Variants in FAM47E observed in about 807,000 individuals in gnomAD.
FAM47E encodes the protein family with sequence similarity 47 member E.
FAM47E carries 32 observed loss-of-function variants against 41.6 expected under a neutral mutation model. The observed-to-expected ratio is 0.77, with a 90% CI of 0.58 to 1.03. The LOEUF (loss-of-function observed/expected upper bound fraction) is 1.03. FAM47E is among the 50% of genes least tolerant of loss of function. FAM47E has a pLI of 0.00. For missense variants in FAM47E, 424 were observed against 485.4 expected (o/e 0.87, Z 1.19); for synonymous variants, 184 against 188.7 (o/e 0.98, Z 0.20).
chr4:76,236,986 C>T (rs576811984), intron 2 of FAM47E, among the ~76,000 whole-genome samples: 1 of 151,202 alleles, frequency 6.6e-6, no homozygotes, highest in East Asian at 1.9e-4. Context: ...AGCTCCGTCT[C>T]CCAGGTTCAT....
intron 2 of FAM47E, among the ~76,000 whole-genome samples, chr4:76,229,677 G>A (rs1180960212): frequency 6.6e-6 from 1 of 152,198 alleles, no homozygotes; most frequent in African/African-American, 2.4e-5. Flanking sequence ...CCTGATTCCT[G>A]TGATGTGATC....
rs112803100 is a variant in FAM47E, at chr4:76,251,793, T to C, written c.47T>C (p.Val16Ala). 82 of 1,488,896 alleles carry C rather than the reference T, an allele frequency of 5.5e-5. No homozygotes were observed. The East Asian group carries it at 2.3e-3, about 41-fold the overall frequency. The allele number at this position is 1,488,896 out of a possible 1,614,324, so 92.2% of individuals were successfully genotyped here. A position where few individuals can be genotyped will look rare whatever the true frequency, so the allele number is the denominator to read the frequency against. ...RRLRPGTLAP[V>A]REGVNCRSRC... ...CTCCGGCCGGGGACGTTGGCCCCGGTGCGCGAGGGCGTGAACTGCAGGTCC... is the reference window on the plus strand; with the variant it reads ...CTCCGGCCGGGGACGTTGGCCCCGGCGCGCGAGGGCGTGAACTGCAGGTCC... The change falls in exon 1 of 8, where the codon GTG becomes GCG. Residue 16 changes from valine (V) to alanine (A), a missense_variant. Coordinates refer to ENST00000424749, the MANE Select transcript of FAM47E (RefSeq NM_001136570.3).
At chr4:76,218,621 A>C (rs1290535952) in intron 2 of FAM47E, among the ~76,000 whole-genome samples, 1 of 152,156 alleles carries the variant, frequency 6.6e-6, no homozygotes, top group Non-Finnish European at 1.5e-5. Flanking sequence ...GGGTTATGGG[A>C]AAATGAGAAT....
intron 1 of FAM47E, among the ~76,000 whole-genome samples, chr4:76,254,525 T>C (rs1404936735): frequency 6.6e-6 from 1 of 152,130 alleles, no homozygotes; most frequent in Non-Finnish European, 1.5e-5. Flanking sequence ...TCCTTTCATC[T>C]AGATCTTCAC....
exon 1 of FAM47E, chr4:76,214,199 G>A (rs1733153893): frequency 2.2e-6 from 1 of 453,866 alleles, no homozygotes; most frequent in Non-Finnish European, 4.4e-6. Context: ...AGAGGCGCTC[G>A]CAAGTTAGCG....
intron 5 of FAM47E, among the ~76,000 whole-genome samples, 174 bp downstream of exon 5, chr4:76,271,942 T>G (rs189574767): frequency 1.2e-4 from 18 of 152,310 alleles, no homozygotes; most frequent in Admixed American, 1.2e-3. Context: ...TATAACAAAG[T>G]CAGTTATACA....
At position 76,266,967 on chromosome 4, in the gene FAM47E, T is replaced by C. The variant is rs78515367; in HGVS notation, c.561-1693T>C. Among the ~76,000 whole-genome samples the C allele has an allele frequency of 7.1e-3, 1,086 of 152,292 alleles. 11 individuals are homozygous for C. The highest frequency in any genetic ancestry group is 0.024 in the African/African-American group (1,018 of 41,566). ...TTTGGGTCTTTGGTCAAATATTACT[T>C]TAATAGAGACAACTTCTCTGTATAA... On this transcript the variant is annotated intron_variant, in intron 3 of 7. Transcript: ENST00000424749.
At chr4:76,259,947 A>G (rs1167322123) in intron 2 of FAM47E, among the ~76,000 whole-genome samples, 1 of 152,152 alleles carries the variant, frequency 6.6e-6, no homozygotes, top group Admixed American at 6.5e-5. Context: ...CAAATCAAGA[A>G]CTCAATATCA....
chr4:76,277,277 G>T (rs1056146280), intron 5 of FAM47E, among the ~76,000 whole-genome samples: 1 of 152,126 alleles, frequency 6.6e-6, no homozygotes, highest in Admixed American at 6.5e-5. Flanking sequence ...GAGGTCAGGA[G>T]ATCAAGACCA....
intron 2 of FAM47E, among the ~76,000 whole-genome samples, chr4:76,219,267 G>C (rs1733266988): frequency 6.6e-6 from 1 of 152,224 alleles, no homozygotes; most frequent in African/African-American, 2.4e-5. Context: ...GCCTGAACCT[G>C]ATGTTGAACT....
intron 7 of FAM47E, chr4:76,281,599 C>T (rs914149613): frequency 2.6e-5 from 4 of 151,868 alleles, no homozygotes; most frequent in Non-Finnish European, 4.4e-5. Flanking sequence ...TATATAAATC[C>T]TTATTTGCCA....
chr4:76,244,385 A>G (rs919016364), intron 2 of FAM47E, among the ~76,000 whole-genome samples: 4 of 152,064 alleles, frequency 2.6e-5, no homozygotes, highest in Admixed American at 2.6e-4. Flanking sequence ...CTATTTCTCT[A>G]TATCCTCTCC....
intron 2 of FAM47E, among the ~76,000 whole-genome samples, chr4:76,230,835 C>G (rs960651369): frequency 6.6e-6 from 1 of 152,290 alleles, no homozygotes; most frequent in South Asian, 2.1e-4. Flanking sequence ...CCTTGAATTC[C>G]CTAGACCTCA....
intron 7 of FAM47E, chr4:76,282,788 CTTATT>C (rs1735410517): frequency 6.6e-6 from 1 of 152,066 alleles, no homozygotes; most frequent in African/African-American, 2.4e-5. Flanking sequence ...ATCCTATATT[CTTATT>C]TTATCAATAA....
At chr4:76,244,497 G>C (rs950032991) in intron 2 of FAM47E, among the ~76,000 whole-genome samples, 2 of 147,868 alleles carry the variant, frequency 1.4e-5, no homozygotes, top group African/African-American at 5.0e-5. Flanking sequence ...GACCAGTGAT[G>C]AGCATTTTTT....
intron 2 of FAM47E, among the ~76,000 whole-genome samples, chr4:76,235,144 C>T (rs71607345): frequency 1.3e-5 from 2 of 151,916 alleles, no homozygotes; most frequent in East Asian, 1.9e-4. Context: ...GGTGAAAACC[C>T]GTCCCTACTA....
chr4:76,256,430 G>C lies in FAM47E; in HGVS notation c.327G>C (p.Gln109His), dbSNP rs990520181. 1.3e-6 allele frequency: 2 copies of C among 1,552,196 alleles called. No individual in the cohort carries two copies. Among genetic ancestry groups the C allele is most frequent in the African/African-American group, 2.7e-5 (2 of 73,016 alleles). The change falls in exon 2 of 8, where the codon CAG becomes CAC. Residue 109 changes from glutamine to histidine, a missense_variant. Gln to His is a conservative substitution (Grantham distance 24). Transcript: ENST00000424749. ...TTTCCAAGCTCTCGCCAGCCCAGCA[G>C]GCTCGGAAGGCATTCCTGGAGGACG... ...DVLSKLSPAQ[Q>H]ARKAFLEDVE...
intron 4 of FAM47E, among the ~76,000 whole-genome samples, chr4:76,270,222 T>C (rs1193287922): frequency 3.3e-5 from 5 of 152,150 alleles, no homozygotes; most frequent in Non-Finnish European, 7.4e-5. Flanking sequence ...ATGGCAAAAG[T>C]AGCCACTAAA....
At chr4:76,268,033 T>C (rs936721487) in intron 3 of FAM47E, 5 of 152,272 alleles carry the variant, frequency 3.3e-5, no homozygotes, top group African/African-American at 7.2e-5. Flanking sequence ...GTAAATTTTA[T>C]GAATTTCATG....
Sources: allele counts gnomAD v4.1 joint callset (sites outside exome capture counted in the v4.1 genomes callset), GRCh38; gene constraint gnomAD v4.1.1; transcripts MANE v1.5; gene names NCBI Gene and HGNC (gene_info 2026-07-23, HGNC 2026-07-21).